TRPV4: variants seen among roughly 807,000 people sequenced by gnomAD.
The protein encoded by TRPV4 is OSM9-like transient receptor potential channel 4.
Under a neutral mutation model 84.1 loss-of-function variants are expected in TRPV4, and 58 were observed. That is an observed-to-expected ratio of 0.69 (90% CI 0.56 to 0.86). TRPV4 has a LOEUF of 0.86. Among genes scored for constraint, TRPV4 ranks in the 40% least tolerant of loss-of-function variants. The pLI, the probability that TRPV4 is intolerant of heterozygous loss-of-function variation, is 0.00. For missense variants in TRPV4, 879 were observed against 1,181.1 expected (o/e 0.74, Z 3.75); for synonymous variants, 489 against 500.9 (o/e 0.98, Z 0.32).
chr12:109,795,948 G>A (rs940869847), intron 7 of TRPV4, among the ~76,000 whole-genome samples: 9 of 150,068 alleles, frequency 6.0e-5, no homozygotes, highest in African/African-American at 9.9e-5. Flanking sequence ...TGGTAGAGAC[G>A]GGGTTTCGCC....
intron 1 of TRPV4, among the ~76,000 whole-genome samples, chr12:109,825,949 G>A (rs1230149154): frequency 6.6e-6 from 1 of 152,164 alleles, no homozygotes; most frequent in African/African-American, 2.4e-5. Context: ...TTGGAATTAT[G>A]ACTGAGGCTA....
chr12:109,819,652 C>G (rs1892014092), intron 1 of TRPV4, among the ~76,000 whole-genome samples: 1 of 152,234 alleles, frequency 6.6e-6, no homozygotes, highest in Non-Finnish European at 1.5e-5. Context: ...ACCTCCTCCT[C>G]CCAGGCTCAA....
chr12:109,803,541 C>G (rs1890942671), intron 3 of TRPV4, among the ~76,000 whole-genome samples: 1 of 152,094 alleles, frequency 6.6e-6, no homozygotes, highest in Admixed American at 6.5e-5. Context: ...GCCTCCGATT[C>G]CTGGGCTCAA....
Position 109,798,100 on chromosome 12 carries a change from G to C in TRPV4, c.1152+514C>G, listed in dbSNP as rs1890521898. Among the ~76,000 whole-genome samples the C allele has an allele frequency of 6.6e-6, 1 of 152,188 alleles. No homozygotes were observed. Among genetic ancestry groups the C allele is most frequent in the African/African-American group, 2.4e-5 (1 of 41,450 alleles). ...GGAGATATTTTTGGTGGTCACAAGTGTAAGGGGAGGTGTTCCTGGCATCTG... is the reference window on the plus strand; with the variant it reads ...GGAGATATTTTTGGTGGTCACAAGTCTAAGGGGAGGTGTTCCTGGCATCTG... On this transcript the variant is annotated intron_variant, in intron 6 of 15. Transcript: ENST00000261740. The surrounding 1 kb of genome is among the most constrained non-coding windows in gnomAD (Gnocchi z 5.0).
At chr12:109,795,477 G>C (rs1293822975) in intron 7 of TRPV4, among the ~76,000 whole-genome samples, 1 of 152,152 alleles carries the variant, frequency 6.6e-6, no homozygotes, top group Non-Finnish European at 1.5e-5. Context: ...AGCATTTTCT[G>C]CTCCATTTTT....
chr12:109,796,808 G>C lies in TRPV4; in HGVS notation c.1153-104C>G, dbSNP rs1890430253. 8.6e-7 allele frequency: 1 copy of C among 1,156,654 alleles called. No homozygotes were observed. The highest frequency in any genetic ancestry group is 1.2e-6 in the Non-Finnish European group (1 of 831,794). The allele number at this position is 1,156,654 out of a possible 1,614,324, so 71.6% of individuals were successfully genotyped here. On this transcript the variant is annotated intron_variant, in intron 6 of 15. Coordinates refer to ENST00000261740, the MANE Select transcript of TRPV4 (RefSeq NM_021625.5). The surrounding 1 kb of genome is among the most constrained non-coding windows in gnomAD (Gnocchi z 4.2). ...CTCCCCAGAAAACAGCTAAGCACCGGCTGCTGGAGGACCCTTTCCTCATCT... is the reference window on the plus strand; with the variant it reads ...CTCCCCAGAAAACAGCTAAGCACCGCCTGCTGGAGGACCCTTTCCTCATCT...
intron 11 of TRPV4, 37 bp from the exon 12 acceptor site, chr12:109,792,466 G>T: frequency 6.2e-7 from 1 of 1,607,888 alleles, no homozygotes; most frequent in Non-Finnish European, 8.5e-7. Flanking sequence ...GCAAAGAGGA[G>T]ACACATGGTT....
In TRPV4 at chr12:109,802,945, G is replaced by A. The variant is rs138971322; in HGVS notation, c.712+46C>T. The A allele has an allele frequency of 1.5e-3, 2,367 of 1,603,252 alleles. 8 individuals are homozygous for A. Among genetic ancestry groups the A allele is most frequent in the Non-Finnish European group, 1.8e-3 (2,106 of 1,173,186 alleles). On this transcript the variant is annotated intron_variant, in intron 4 of 15. Transcript: ENST00000261740. Reference sequence around the variant, plus strand: ...AGGAGTCAGACAAGCAAAGGACAGCGTCTCCATCAGCCCCCGTGGCACCCC... The same window carrying A: ...AGGAGTCAGACAAGCAAAGGACAGCATCTCCATCAGCCCCCGTGGCACCCC...
chr12:109,810,199 A>G (rs1180422891), intron 2 of TRPV4, among the ~76,000 whole-genome samples: 2 of 152,268 alleles, frequency 1.3e-5, no homozygotes, highest in Admixed American at 1.3e-4. Context: ...GCCCAGGGCC[A>G]CCATGAGGCA....
chr12:109,790,836 G>A (rs1889980497), intron 12 of TRPV4, among the ~76,000 whole-genome samples: 1 of 152,226 alleles, frequency 6.6e-6, no homozygotes, highest in Admixed American at 6.5e-5. Flanking sequence ...CATGCCAGGA[G>A]GTGTCCTTGA....
At chr12:109,824,155 G>T (rs1474831211) in intron 1 of TRPV4, among the ~76,000 whole-genome samples, 1 of 151,960 alleles carries the variant, frequency 6.6e-6, no homozygotes, top group Non-Finnish European at 1.5e-5. Flanking sequence ...AGTAGAGACG[G>T]GGTTTCACCA....
rs559813301 is a variant in TRPV4 at position 109,783,828 on chromosome 12, G to T, written c.2459-50C>A. ...AGGGGTGGGGGTTGGTGGAGAGAGA[G>T]CGTGCGTATATTGAGTGCCTACTGT... On this transcript the variant is annotated intron_variant, in intron 15 of 15. Transcript: ENST00000261740. This position sits in a 1 kb window ranked among gnomAD's most constrained non-coding sequence, Gnocchi z 4.6. 57 of 1,600,150 alleles carry T rather than the reference G, an allele frequency of 3.6e-5. No homozygotes were observed. In the East Asian group the frequency reaches 1.0e-3, roughly 29 times the overall value.
intron 3 of TRPV4, among the ~76,000 whole-genome samples, chr12:109,804,318 G>A (rs1890989656): frequency 6.6e-6 from 1 of 152,160 alleles, no homozygotes; most frequent in Non-Finnish European, 1.5e-5. Context: ...TCAGCCAGGG[G>A]CTCAGGAATG....
rs375189134 is a variant in TRPV4, at chr12:109,786,810, G to C, written c.2236C>G (p.Arg746Gly). The C allele has an allele frequency of 3.1e-6, 5 of 1,613,872 alleles. No homozygotes were observed. The highest frequency in any genetic ancestry group is 4.2e-6 in the Non-Finnish European group (5 of 1,180,010). The change falls in exon 14 of 16, where the codon CGC (arginine) becomes GGC (glycine). Residue 746 changes from arginine to glycine, a missense_variant. Physicochemically the swap from Arg to Gly is moderately radical, Grantham distance 125 (BLOSUM62 -2). This residue lies in a region of TRPV4 where 242 missense variants were observed against 355.3 expected (regional missense o/e 0.68). Transcript: ENST00000261740. The surrounding 1 kb of genome is among the most constrained non-coding windows in gnomAD (Gnocchi z 4.5). ...TTCCTCAGGAATACGGGGAAGGAGC[G>C]CTCAATGTCCAGGATGGTGGTGGCC... Reference protein sequence around the residue: ...QWATTILDIERSFPVFLRKAF... With the variant: ...QWATTILDIEGSFPVFLRKAF...
intron 1 of TRPV4, among the ~76,000 whole-genome samples, chr12:109,816,576 G>A (rs944884409): frequency 6.6e-6 from 1 of 152,116 alleles, no homozygotes; most frequent in African/African-American, 2.4e-5. Flanking sequence ...TCAGGAGTTC[G>A]AGACCAGCCT....
chr12:109,799,820 G>T (rs1313763386), intron 5 of TRPV4, among the ~76,000 whole-genome samples: 1 of 152,014 alleles, frequency 6.6e-6, no homozygotes, highest in East Asian at 1.9e-4. Flanking sequence ...GAGTGCAGTG[G>T]TGCAATCATG....
chr12:109,794,103 G>A (rs939504568), intron 8 of TRPV4, 81 bp from the exon 9 acceptor site: 35 of 1,284,242 alleles, frequency 2.7e-5, no homozygotes, highest in Admixed American at 3.9e-5. Flanking sequence ...CCCCAGGCCC[G>A]AAACATCGGC....
At position 109,823,183 on chromosome 12, in the gene TRPV4, C is replaced by T. The variant is rs56838514; in HGVS notation, c.-31-8356G>A. Among the ~76,000 whole-genome samples the T allele has an allele frequency of 3.3e-3, 498 of 152,342 alleles. 3 individuals carry two copies. The highest frequency in any genetic ancestry group is 0.011 in the African/African-American group (463 of 41,574). On this transcript the variant is annotated intron_variant, in intron 1 of 15. Transcript: ENST00000261740. ...GCATCATGCCATGCCCAGCACCTTCCCTGGCCAGCCTGTATTTACCTAGCA... is the reference window on the plus strand; with the variant it reads ...GCATCATGCCATGCCCAGCACCTTCTCTGGCCAGCCTGTATTTACCTAGCA...
intron 12 of TRPV4, among the ~76,000 whole-genome samples, chr12:109,790,916 T>C (rs562857103): frequency 3.3e-4 from 50 of 152,196 alleles, no homozygotes; most frequent in South Asian, 8.3e-4. Flanking sequence ...TGTCCAGAAA[T>C]GAGTGACCAT....
Sources: allele counts gnomAD v4.1 joint callset (sites outside exome capture counted in the v4.1 genomes callset), GRCh38; gene constraint gnomAD v4.1.1; regional missense constraint gnomAD v4.1.1; non-coding constraint Gnocchi (gnomAD v3.1); transcripts MANE v1.5; gene names NCBI Gene and HGNC (gene_info 2026-07-23, HGNC 2026-07-21).